ARSL: variants seen among roughly 807,000 people sequenced by gnomAD.
ARSL encodes arylsulfatase L, also known as arylsulfatase E (chondrodysplasia punctata 1).
In ARSL, 4 loss-of-function variants were observed where a neutral mutation model predicts 31.1. The ratio of observed to expected loss-of-function variants is 0.13; its 90% CI spans 0.06 to 0.29. ARSL has a LOEUF of 0.29. ARSL is among the 10% of genes least tolerant of loss of function. The pLI is 1.00. For missense variants in ARSL, 312 were observed against 497.8 expected, an observed-to-expected ratio of 0.63 and a Z score of 3.55; for synonymous variants, 198 against 209.9, an observed-to-expected ratio of 0.94 and a Z score of 0.49.
intron 4 of ARSL, among the ~76,000 whole-genome samples, chrX:2,954,382 G>A (rs1298896804): frequency 9.0e-6 from 1 of 111,667 alleles, no homozygotes; most frequent in Non-Finnish European, 1.9e-5. Flanking sequence ...TGCAATCTCC[G>A]CCTCCCGGGT....
chrX:2,960,347 C>G (rs1374972658), intron 2 of ARSL, 31 bp downstream of exon 2: 4 of 822,364 alleles, frequency 4.9e-6, no homozygotes, highest in East Asian at 3.5e-5. Flanking sequence ...AGAAAGGAGA[C>G]TACTAATGAG....
chrX:2,960,072 A>G (rs1406629874), intron 2 of ARSL, among the ~76,000 whole-genome samples: 1 of 104,312 alleles, frequency 9.6e-6, no homozygotes, highest in African/African-American at 3.5e-5. Flanking sequence ...GATCGAGACC[A>G]TCCTGGCTAA....
At chrX:2,953,859 T>C (rs2089492313) in intron 4 of ARSL, among the ~76,000 whole-genome samples, 1 of 110,865 alleles carries the variant, frequency 9.0e-6, no homozygotes, top group African/African-American at 3.3e-5. Flanking sequence ...GCTGGGACTA[T>C]AGGGGCTCAT....
intron 1 of ARSL, 108 bp from the exon 2 acceptor site, chrX:2,960,528 A>G (rs1238397067): frequency 2.8e-6 from 2 of 718,333 alleles, no homozygotes; most frequent in Non-Finnish European, 4.2e-6. Context: ...CGTTCATGAT[A>G]TCAATAGCAA....
chrX:2,952,297 C>T (rs2089473448), intron 5 of ARSL, among the ~76,000 whole-genome samples: 1 of 110,773 alleles, frequency 9.0e-6, no homozygotes, highest in Non-Finnish European at 1.9e-5. Flanking sequence ...TTTGAGATGC[C>T]AAATATTTCA....
chrX:2,938,204 G>A lies in ARSL; in HGVS notation c.1180C>T (p.Arg394Cys), dbSNP rs1192188568. ...CCGGCCGGGAGCACCCCGGGCCAGC[G>A]GAAGATCCCGGGCACGCGGATCCCA... ...EGGIRVPGIFRWPGVLPAGRV... is the reference protein window; with the variant it reads ...EGGIRVPGIFCWPGVLPAGRV... The change falls in exon 9 of 11, where the codon CGC becomes TGC. Residue 394 changes from arginine (R) to cysteine (C), a missense_variant. By Grantham distance (180) the Arg-to-Cys change is radical (BLOSUM62 -3). Coordinates refer to ENST00000381134, the MANE Select transcript of ARSL (RefSeq NM_000047.3). The A allele has an allele frequency of 1.1e-5, 13 of 1,210,628 alleles. No individual in the cohort carries two copies. The highest frequency in any genetic ancestry group is 1.5e-5 in the Non-Finnish European group (13 of 895,381).
In ARSL at chrX:2,936,840, A is replaced by C. The variant is rs753246630; in HGVS notation, c.1313T>G (p.Leu438Arg). The C allele has an allele frequency of 2.5e-6, 3 of 1,210,230 alleles. No individual in the cohort carries two copies. The African/African-American group carries it at 5.2e-5, about 21-fold the overall frequency. Residue 438 changes from leucine to arginine, a missense_variant, in exon 10 of 11, where the codon CTG (leucine) becomes CGG (arginine). Leu to Arg is a moderately radical substitution (Grantham distance 102). Coordinates refer to ENST00000381134, the MANE Select transcript of ARSL (RefSeq NM_000047.3). ...QDRVIDGQDLLPLLLGTAQHS... is the reference protein window; with the variant it reads ...QDRVIDGQDLRPLLLGTAQHS... ...TTGGGCTGTCCCCAGGAGCAAGGGCAGAAGGTCTTGGCCGTCAATCACTCT... is the reference window on the plus strand; with the variant it reads ...TTGGGCTGTCCCCAGGAGCAAGGGCCGAAGGTCTTGGCCGTCAATCACTCT...
At chrX:2,939,027 G>A (rs1397731852) in intron 8 of ARSL, among the ~76,000 whole-genome samples, 3 of 110,807 alleles carry the variant, frequency 2.7e-5, no homozygotes, top group Non-Finnish European at 5.7e-5. Flanking sequence ...CAATTGCAAT[G>A]GATTGCACTT....
chrX:2,967,912 G>T (rs1285099218), upstream of ARSL, among the ~76,000 whole-genome samples: 1 of 112,070 alleles, frequency 8.9e-6, no homozygotes, highest in Non-Finnish European at 1.9e-5. Flanking sequence ...CTCCCATTTG[G>T]TGCATCTTCC....
In ARSL at chrX:2,953,490, T is replaced by C. The variant is rs141484202; in HGVS notation, c.308-225A>G. ...AGCGAGAAGATGGACTTTCCTGTTA[T>C]GTGCAGGTTATAAGCAATATAATTC... On this transcript the variant is annotated intron_variant, in intron 4 of 10. Coordinates refer to ENST00000381134, the MANE Select transcript of ARSL (RefSeq NM_000047.3). Among the ~76,000 whole-genome samples the C allele has an allele frequency of 0.046, 5,116 of 112,231 alleles. 281 individuals are homozygous for C. Among genetic ancestry groups the C allele is most frequent in the African/African-American group, 0.16 (4,832 of 30,828 alleles).
At position 2,938,133 on chromosome X, in the gene ARSL, G is replaced by A. The variant is rs2089229219; in HGVS notation, c.1251C>T (p.Thr417=). 2 of 1,212,020 alleles carry A rather than the reference G, an allele frequency of 1.7e-6. No individual in the cohort carries two copies. The highest frequency in any genetic ancestry group is 2.2e-6 in the Non-Finnish European group (2 of 895,592). ...CCTCGCCGCCCGCCAGCCGGACCAC[G>A]GTGGGGAACACGTCCATCAGACTCG... ...EPTSLMDVFP[T]VVRLAGGEVP... The change falls in exon 9 of 11, where the codon ACC becomes ACT. Residue 417 remains threonine, a synonymous_variant. Coordinates refer to ENST00000381134, the MANE Select transcript of ARSL (RefSeq NM_000047.3).
At position 2,960,425 on chromosome X, in the gene ARSL, A is replaced by G. The variant is rs963778284; in HGVS notation, c.-20-5T>C. 1 of 1,205,158 alleles carries G rather than the reference A, an allele frequency of 8.3e-7. No homozygotes were observed. The highest frequency in any genetic ancestry group is 1.8e-5 in the South Asian group (1 of 56,340). ...TGTTGTCTCTCTCTCTACTTCCTGT[A>G]AGACATAAAGATGTCCACAATCACA... On this transcript the variant is annotated splice_region_variant and splice_polypyrimidine_tract_variant and intron_variant, in intron 1 of 10. Coordinates refer to ENST00000381134, the MANE Select transcript of ARSL (RefSeq NM_000047.3).
chrX:2,954,475 C>T (rs2089500222), intron 4 of ARSL, among the ~76,000 whole-genome samples: 1 of 111,011 alleles, frequency 9.0e-6, no homozygotes, highest in African/African-American at 3.3e-5. Flanking sequence ...TTTGTATTTT[C>T]AGTAGAGACG....
intron 6 of ARSL, among the ~76,000 whole-genome samples, chrX:2,947,055 G>C (rs1311301258): frequency 1.8e-5 from 2 of 110,434 alleles, no homozygotes; most frequent in African/African-American, 3.3e-5. Context: ...GTGGTGACAT[G>C]CACCTGTACT....
At chrX:2,967,789 G>A (rs2089709909), upstream of ARSL, among the ~76,000 whole-genome samples, 2 of 111,329 alleles carry the variant, frequency 1.8e-5, no homozygotes, top group Non-Finnish European at 3.8e-5. Context: ...TCAACGCTTC[G>A]CCTGGGCCCT....
At chrX:2,952,903 C>T (rs757055541) in intron 5 of ARSL, 24 of 253,017 alleles carry the variant, frequency 9.5e-5, no homozygotes, top group East Asian at 8.7e-4. Flanking sequence ...GCAATCCTTC[C>T]GCCTCGGCCT....
At chrX:2,960,107 A>G (rs1301878715) in intron 2 of ARSL, among the ~76,000 whole-genome samples, 1 of 97,438 alleles carries the variant, frequency 1.0e-5, no homozygotes, top group African/African-American at 3.8e-5. Flanking sequence ...GTCTCTACTA[A>G]AAATACAAAA....
At chrX:2,954,414 G>GA (rs767807682) in intron 4 of ARSL, among the ~76,000 whole-genome samples, 3 of 111,553 alleles carry the variant, frequency 2.7e-5, no homozygotes, top group Non-Finnish European at 5.6e-5. Context: ...TACTGCCTCA[G>GA]CCTTCCAAGT....
At chrX:2,966,582 T>C (rs1460596534), upstream of ARSL, among the ~76,000 whole-genome samples, 2 of 104,437 alleles carry the variant, frequency 1.9e-5, no homozygotes, top group Non-Finnish European at 3.9e-5. Flanking sequence ...TCAAGTTAAG[T>C]CTGAGCAACA....
Sources: allele counts gnomAD v4.1 joint callset (sites outside exome capture counted in the v4.1 genomes callset), GRCh38; gene constraint gnomAD v4.1.1; transcripts MANE v1.5; gene names NCBI Gene and HGNC (gene_info 2026-07-23, HGNC 2026-07-21).